Variants in XYLT1 observed in about 807,000 individuals in gnomAD.
The protein encoded by XYLT1 is beta-D-xylosyltransferase 1.
In XYLT1, 36 loss-of-function variants were observed where a neutral mutation model predicts 91.3. The observed-to-expected ratio is 0.39, with a 90% CI of 0.30 to 0.52. XYLT1 has a LOEUF of 0.52. XYLT1 is among the 20% of genes least tolerant of loss of function. The pLI is 0.68. For synonymous variants in XYLT1, 588 were observed against 532.0 expected (o/e 1.11, Z -1.45); for missense variants, 1,242 against 1,284.5 (o/e 0.97, Z 0.51).
chr16:17,155,989 CAT>C (rs370738220), intron 6 of XYLT1, among the ~76,000 whole-genome samples: 8 of 152,336 alleles, frequency 5.3e-5, no homozygotes, highest in African/African-American at 1.7e-4. Context: ...ATAACAATGA[CAT>C]AATCATCACC....
chr16:17,202,456 G>A (rs569699309), intron 3 of XYLT1, among the ~76,000 whole-genome samples: 4 of 152,238 alleles, frequency 2.6e-5, no homozygotes, highest in African/African-American at 9.6e-5. Flanking sequence ...CTCTGCCCTC[G>A]ATTGGTGGGT....
intron 3 of XYLT1, among the ~76,000 whole-genome samples, chr16:17,211,116 A>G (rs1275473482): frequency 6.6e-6 from 1 of 152,262 alleles, no homozygotes; most frequent in African/African-American, 2.4e-5. Context: ...AGTCTATTGC[A>G]GTAAAAATAC....
At chr16:17,403,958 T>C (rs535003349) in intron 1 of XYLT1, among the ~76,000 whole-genome samples, 1 of 152,308 alleles carries the variant, frequency 6.6e-6, no homozygotes, top group African/African-American at 2.4e-5. Context: ...AGCCATCCAC[T>C]AGCAGGTTAG....
At chr16:17,119,236 C>T (rs1326603267) in intron 10 of XYLT1, among the ~76,000 whole-genome samples, 1 of 152,104 alleles carries the variant, frequency 6.6e-6, no homozygotes, top group African/African-American at 2.4e-5. Context: ...ATGGCTTGAC[C>T]AAAAACTGAA....
chr16:17,115,260 A>C (rs977929433), intron 11 of XYLT1, among the ~76,000 whole-genome samples: 15 of 143,990 alleles, frequency 1.0e-4, no homozygotes, highest in Admixed American at 1.0e-3. Context: ...GTTTAGATCC[A>C]GGAGTTTGAG....
chr16:17,239,028 A>G (rs1212483712), intron 3 of XYLT1, among the ~76,000 whole-genome samples: 1 of 152,206 alleles, frequency 6.6e-6, no homozygotes, highest in African/African-American at 2.4e-5. Context: ...ATTCCTCCCC[A>G]GCCTCATCTC....
intron 5 of XYLT1, among the ~76,000 whole-genome samples, chr16:17,173,611 C>T (rs996568619): frequency 1.3e-5 from 2 of 152,260 alleles, no homozygotes; most frequent in African/African-American, 2.4e-5. Context: ...AATGCAATCT[C>T]CGAGTCTGTG....
intron 6 of XYLT1, among the ~76,000 whole-genome samples, chr16:17,143,484 A>G (rs960204083): frequency 6.6e-6 from 1 of 152,176 alleles, no homozygotes; most frequent in African/African-American, 2.4e-5. Context: ...ACACACGACC[A>G]GGACTCTGGA....
chr16:17,415,616 C>T (rs1472353636), intron 1 of XYLT1, among the ~76,000 whole-genome samples: 3 of 151,904 alleles, frequency 2.0e-5, no homozygotes, highest in Admixed American at 6.6e-5. Flanking sequence ...CGCTTGAGTC[C>T]GGGAGGCAGA....
chr16:17,144,132 T>C (rs2031068280), intron 6 of XYLT1, among the ~76,000 whole-genome samples: 1 of 149,094 alleles, frequency 6.7e-6, no homozygotes, highest in Non-Finnish European at 1.5e-5. Context: ...CTGTGATTAC[T>C]GTCTACCCTT....
At chr16:17,299,031 A>G (rs2034356532) in intron 2 of XYLT1, among the ~76,000 whole-genome samples, 2 of 152,088 alleles carry the variant, frequency 1.3e-5, no homozygotes, top group Admixed American at 6.6e-5. Context: ...CTATTTATAT[A>G]TAATATTATG....
Position 17,188,478 on chromosome 16 carries a change from C to G in XYLT1, c.1289+9734G>C, listed in dbSNP as rs368226974. Among the ~76,000 whole-genome samples the G allele has an allele frequency of 2.4e-4, 37 of 152,228 alleles. 1 individual carries two copies. The East Asian group carries it at 6.4e-3, about 26-fold the overall frequency. On this transcript the variant is annotated intron_variant, in intron 5 of 11. Coordinates refer to ENST00000261381, the MANE Select transcript of XYLT1 (RefSeq NM_022166.4). ...GATATGCCAGGGTCCCAAGCTACCC[C>G]CTCTTCCTGGGATGCCTGCTTGGAA...
chr16:17,328,418 G>C (rs539986217), intron 2 of XYLT1, among the ~76,000 whole-genome samples: 3 of 151,664 alleles, frequency 2.0e-5, no homozygotes, highest in Non-Finnish European at 4.4e-5. Flanking sequence ...GCATGGTGGC[G>C]CACATCTGCA....
intron 2 of XYLT1, among the ~76,000 whole-genome samples, chr16:17,336,105 T>A (rs939487757): frequency 6.6e-6 from 1 of 152,044 alleles, no homozygotes; most frequent in African/African-American, 2.4e-5. Flanking sequence ...TGGAGAAACG[T>A]GCGGAGGTGG....
intron 5 of XYLT1, among the ~76,000 whole-genome samples, chr16:17,182,182 T>A (rs2032085314): frequency 6.6e-6 from 1 of 152,182 alleles, no homozygotes; most frequent in South Asian, 2.1e-4. Flanking sequence ...ATACAGGGGA[T>A]GAGGACAGGT....
At position 17,348,741 on chromosome 16, in the gene XYLT1, G is replaced by A. The variant is rs1361324128; in HGVS notation, c.402+9271C>T. On this transcript the variant is annotated intron_variant, in intron 2 of 11. Transcript: ENST00000261381. Reference sequence around the variant, plus strand: ...GACCTCCCTCGTGCTGCTATCTTTTGTGAAAGCAATTTTCTTCATTGAATG... The same window carrying A: ...GACCTCCCTCGTGCTGCTATCTTTTATGAAAGCAATTTTCTTCATTGAATG... Among the ~76,000 whole-genome samples, 4 of 152,104 alleles carry A rather than the reference G, an allele frequency of 2.6e-5. No individual in the cohort carries two copies. The East Asian group carries it at 5.8e-4, about 22-fold the overall frequency.
rs537713984 is a variant in XYLT1 at position 17,341,407 on chromosome 16, G to C, written c.402+16605C>G. On this transcript the variant is annotated intron_variant, in intron 2 of 11. Transcript: ENST00000261381. ...CGACGAAGAATGATATGTGCTGACAGGAGATGAGTGATAAGATAGAGAGGA... is the reference window on the plus strand; with the variant it reads ...CGACGAAGAATGATATGTGCTGACACGAGATGAGTGATAAGATAGAGAGGA... Among the ~76,000 whole-genome samples, 3 of 152,206 alleles carry C rather than the reference G, an allele frequency of 2.0e-5. No homozygotes were observed. In the South Asian group the frequency reaches 6.2e-4, roughly 31 times the overall value.
chr16:17,205,439 T>C (rs2032625421), intron 3 of XYLT1, among the ~76,000 whole-genome samples: 1 of 152,250 alleles, frequency 6.6e-6, no homozygotes, highest in Admixed American at 6.5e-5. Flanking sequence ...GTCAGGCAGA[T>C]GTGAATGACC....
chr16:17,239,126 T>G (rs752277602), intron 3 of XYLT1, among the ~76,000 whole-genome samples: 21 of 152,236 alleles, frequency 1.4e-4, no homozygotes, highest in Non-Finnish European at 2.5e-4. Flanking sequence ...TTGAACCTAT[T>G]GTCATTTCTT....
Sources: allele counts gnomAD v4.1 joint callset (sites outside exome capture counted in the v4.1 genomes callset), GRCh38; gene constraint gnomAD v4.1.1; transcripts MANE v1.5; gene names NCBI Gene and HGNC (gene_info 2026-07-23, HGNC 2026-07-21).